Variants in SERAC1 observed in about 807,000 individuals in gnomAD.
SERAC1 encodes the protein serine active site containing 1, also known as protein SERAC1.
A neutral mutation model predicts 85.7 loss-of-function variants in SERAC1; 36 were observed. That is an observed-to-expected ratio of 0.42 (90% CI 0.32 to 0.55). The LOEUF is 0.55. Among genes scored for constraint, SERAC1 ranks in the 20% least tolerant of loss-of-function variants. The pLI is 0.11. For synonymous variants in SERAC1, 242 were observed against 265.3 expected, an observed-to-expected ratio of 0.91 and a Z score of 0.85; for missense variants, 629 against 796.2, an observed-to-expected ratio of 0.79 and a Z score of 2.53.
intron 2 of SERAC1, among the ~76,000 whole-genome samples, chr6:158,156,231 T>C (rs1018501478): frequency 2.0e-5 from 3 of 152,200 alleles, no homozygotes; most frequent in Non-Finnish European, 4.4e-5. Context: ...AAAACTTTTT[T>C]AATATTAAAA....
Position 158,111,436 on chromosome 6 carries a change from T to C in SERAC1, c.1895A>G (p.Lys632Arg). The change falls in exon 17 of 17, where the codon AAG becomes AGG. Residue 632 changes from lysine to arginine, a missense_variant. By Grantham distance (26) the Lys-to-Arg change is conservative (BLOSUM62 2). Transcript: ENST00000647468. ...NHLNICKPKK[K>R]DAFLYQRTLQ... ...AGTACGCTGGTACAAAAAAGCATCC[T>C]TTTTCTTTGGCTTACAAATGTTCAA... 1 of 1,611,528 alleles carries C rather than the reference T, an allele frequency of 6.2e-7. No individual in the cohort carries two copies. Among genetic ancestry groups the C allele is most frequent in the Non-Finnish European group, 8.5e-7 (1 of 1,178,976 alleles).
intron 3 of SERAC1, 75 bp downstream of exon 3, chr6:158,155,240 C>G: frequency 9.9e-7 from 1 of 1,014,918 alleles, no homozygotes; most frequent in South Asian, 1.4e-5. Context: ...CCTCATGCAA[C>G]CTGTCAATCA....
rs1475040580 is a variant in SERAC1 at position 158,143,335 on chromosome 6, CTCTCTCTCTCTCTATATA to C, written c.610-169_610-152del. Reference sequence around the variant, plus strand: ...TCTCTCTCTCTCTCTCTCTCTCTCTCTCTCTCTCTCTCTATATATATATATATATATATATATATACAC... The same window carrying C: ...TCTCTCTCTCTCTCTCTCTCTCTCTCTATATATATATATATATATATACAC... On this transcript the variant is annotated intron_variant, in intron 7 of 16. Transcript: ENST00000647468. 1,075 of 134,984 alleles carry C rather than the reference CTCTCTCTCTCTCTATATA, an allele frequency of 8.0e-3. 10 individuals carry two copies. The highest frequency in any genetic ancestry group is 0.07 in the African/African-American group (841 of 12,094). 8.4% of individuals were successfully genotyped at this position (134,984 alleles called of 1,614,324 possible).
Position 158,130,440 on chromosome 6 carries a change from C to G in SERAC1, c.785G>C (p.Ser262Thr). 6.2e-7 allele frequency: 1 copy of G among 1,604,456 alleles called. No individual in the cohort carries two copies. Among genetic ancestry groups the G allele is most frequent in the Non-Finnish European group, 8.5e-7 (1 of 1,176,844 alleles). Residue 262 changes from serine (S) to threonine (T), a missense_variant, in exon 9 of 17, where the codon AGT becomes ACT. Transcript: ENST00000647468. The stretch of plus-strand genomic sequence containing the variant: ...TGTTGCTGAAGGAACTTCTCCAAAA[C>G]TTTCAGCATAAGGAAGTCCATTTCC... The part of the protein sequence containing the change: ...FGGNGLPYAE[S>T]FGEVPSATVE...
chr6:158,160,103 C>T lies in SERAC1; in HGVS notation c.-1-1739G>A, dbSNP rs140659796. ...CTAATTTATTTTTCACAGCTCCAAA[C>T]GGCCATTGAACAGCCTTCCTAATTT... is the stretch of plus-strand genomic sequence containing the variant. On this transcript the variant is annotated intron_variant, in intron 1 of 16. Transcript: ENST00000647468. Among the ~76,000 whole-genome samples, 1,482 of 152,242 alleles carry T rather than the reference C, an allele frequency of 9.7e-3. 26 individuals are homozygous for T. Among genetic ancestry groups the T allele is most frequent in the African/African-American group, 0.033 (1,378 of 41,550 alleles).
chr6:158,146,652 C>T (rs2128420921), intron 6 of SERAC1, 130 bp downstream of exon 6: 1 of 1,110,160 alleles, frequency 9.0e-7, no homozygotes, highest in Non-Finnish European at 1.3e-6. Flanking sequence ...CCTTGTGATC[C>T]AACCAGCGTG....
intron 10 of SERAC1, among the ~76,000 whole-genome samples, chr6:158,122,889 A>T (rs945304413): frequency 1.6e-4 from 24 of 152,230 alleles, no homozygotes; most frequent in Admixed American, 5.9e-4. Context: ...CTCTCTATAT[A>T]TATCAACTTC....
At chr6:158,156,602 T>C (rs890790382) in intron 2 of SERAC1, among the ~76,000 whole-genome samples, 36 of 151,682 alleles carry the variant, frequency 2.4e-4, no homozygotes, top group South Asian at 8.3e-4. Flanking sequence ...CTTATTATTA[T>C]GTAAGAAGAA....
chr6:158,159,885 C>G (rs980711352), intron 1 of SERAC1, among the ~76,000 whole-genome samples: 1 of 152,254 alleles, frequency 6.6e-6, no homozygotes, highest in African/African-American at 2.4e-5. Flanking sequence ...CTCGGCCTCC[C>G]GAAGTGCTGG....
At chr6:158,124,880 GGT>G (rs1784505867) in intron 10 of SERAC1, among the ~76,000 whole-genome samples, 1 of 151,950 alleles carries the variant, frequency 6.6e-6, no homozygotes, top group Admixed American at 6.6e-5. Context: ...CAAATAATGA[GGT>G]GAGAGAATTT....
chr6:158,136,141 T>A (rs1784788583), intron 8 of SERAC1, among the ~76,000 whole-genome samples: 1 of 152,194 alleles, frequency 6.6e-6, no homozygotes, highest in Non-Finnish European at 1.5e-5. Context: ...AAATGTATTA[T>A]TTTCGCAATT....
At chr6:158,113,127 T>C in intron 16 of SERAC1, 1 of 371,020 alleles carries the variant, frequency 2.7e-6, no homozygotes, top group Non-Finnish European at 4.8e-6. Flanking sequence ...CTAAGTCTAT[T>C]AAATAAATGC....
intron 1 of SERAC1, among the ~76,000 whole-genome samples, chr6:158,160,708 C>G (rs1313109674): frequency 6.6e-6 from 1 of 152,054 alleles, no homozygotes; most frequent in Non-Finnish European, 1.5e-5. Context: ...CAATTTATTT[C>G]TATTCCTTTA....
chr6:158,147,744 T>C (rs1443609956), intron 5 of SERAC1, among the ~76,000 whole-genome samples: 2 of 115,360 alleles, frequency 1.7e-5, no homozygotes, highest in Admixed American at 1.2e-4. Context: ...CACTCCAGCC[T>C]GGGTGACAGA....
chr6:158,123,587 T>A (rs1784469315), intron 10 of SERAC1, among the ~76,000 whole-genome samples: 1 of 152,214 alleles, frequency 6.6e-6, no homozygotes, highest in Non-Finnish European at 1.5e-5. Context: ...ACATAATTGC[T>A]GAGCAATATT....
rs527931102 is a variant in SERAC1, at chr6:158,117,687, A to C, written c.1403+40T>G. The C allele has an allele frequency of 4.3e-5, 69 of 1,612,456 alleles. 1 individual carries two copies. The South Asian group carries it at 7.3e-4, about 17-fold the overall frequency. Reference sequence around the variant, plus strand: ...AAGAGGACCTAAACTTGCGGCCTGAATTCTTCCCTGTCCTCCTGGTCTAAA... The same window carrying C: ...AAGAGGACCTAAACTTGCGGCCTGACTTCTTCCCTGTCCTCCTGGTCTAAA... On this transcript the variant is annotated intron_variant, in intron 13 of 16. Coordinates refer to ENST00000647468, the MANE Select transcript of SERAC1 (RefSeq NM_032861.4). The surrounding 1 kb of genome is among the most constrained non-coding windows in gnomAD (Gnocchi z 4.3).
At position 158,111,325 on chromosome 6, in the gene SERAC1, T is replaced by C. The variant is rs756555539; in HGVS notation, c.*41A>G. The C allele has an allele frequency of 6.5e-7, 1 of 1,534,490 alleles. No individual in the cohort carries two copies. Among genetic ancestry groups the C allele is most frequent in the Non-Finnish European group, 8.7e-7 (1 of 1,144,730 alleles). The stretch of plus-strand genomic sequence containing the variant: ...AAGAAGAAACAGAACACCAAGTTTC[T>C]TGCACTGAATTCACATATGAAAACT... On this transcript the variant is annotated 3_prime_UTR_variant, in exon 17 of 17. Coordinates refer to ENST00000647468, the MANE Select transcript of SERAC1 (RefSeq NM_032861.4).
chr6:158,116,178 C>T lies in SERAC1; in HGVS notation c.1501+7G>A, dbSNP rs1562432846. The stretch of plus-strand genomic sequence containing the variant: ...TGGCCACTTCACAAAGTTGAAGCCA[C>T]ACTTACCTCCCATGCTATGTGATAT... On this transcript the variant is annotated splice_region_variant and intron_variant, in intron 14 of 16. Coordinates refer to ENST00000647468, the MANE Select transcript of SERAC1 (RefSeq NM_032861.4). 6.2e-7 allele frequency: 1 copy of T among 1,611,800 alleles called. No individual in the cohort carries two copies. Among genetic ancestry groups the T allele is most frequent in the Admixed American group, 1.7e-5 (1 of 60,022 alleles).
At chr6:158,158,165 T>A in intron 2 of SERAC1, 108 bp downstream of exon 2, 1 of 734,872 alleles carries the variant, frequency 1.4e-6, no homozygotes, top group East Asian at 2.6e-5. Context: ...ATAAACAAAT[T>A]TGAGATTTAA....
Sources: gnomAD v4.1 joint callset for allele counts (sites outside exome capture counted in the v4.1 genomes callset) on GRCh38, gnomAD v4.1.1 for gene constraint, Gnocchi (gnomAD v3.1) non-coding constraint, MANE v1.5 for transcripts, NCBI Gene and HGNC (gene_info 2026-07-23, HGNC 2026-07-21) for gene names.